The following LRMDA variants were observed in gnomAD, a reference collection of about 807,000 sequenced individuals.
LRMDA encodes the protein leucine rich melanocyte differentiation associated, also known as leucine-rich melanocyte differentiation-associated protein.
In LRMDA, 18 loss-of-function variants were observed where a neutral mutation model predicts 29.8. That is an observed-to-expected ratio of 0.60 (90% confidence interval 0.42 to 0.90). The LOEUF (loss-of-function observed/expected upper bound fraction) is 0.90, where lower values mean the gene tolerates loss of function less well. Ranked by LOEUF, LRMDA falls within the 40% of genes least tolerant of loss-of-function variation. LRMDA has a pLI of 0.00. For synonymous variants in LRMDA, 125 were observed against 109.4 expected, an observed-to-expected ratio of 1.14 and a Z score of -0.89; for missense variants, 273 against 273.9, an observed-to-expected ratio of 1.00 and a Z score of 0.02.
chr10:75,615,823 G>A lies in LRMDA; in HGVS notation c.131+177329G>A, dbSNP rs139740484. 1.8e-3 allele frequency among the ~76,000 whole-genome samples: 279 copies of A among 152,256 alleles called. 1 individual carries two copies. Among genetic ancestry groups the A allele is most frequent in the African/African-American group, 6.2e-3 (258 of 41,556 alleles). Reference sequence around the variant, plus strand: ...TTTCCTTCTGTCAGATGAGATGGTTGGCTTTGGATCAGTGTTTCCCAAAGT... The same window carrying A: ...TTTCCTTCTGTCAGATGAGATGGTTAGCTTTGGATCAGTGTTTCCCAAAGT... On this transcript the variant is annotated intron_variant, in intron 2 of 6. Transcript: ENST00000611255.
chr10:75,948,163 T>G (rs918893690), intron 2 of LRMDA, among the ~76,000 whole-genome samples: 2 of 152,196 alleles, frequency 1.3e-5, no homozygotes, highest in Admixed American at 6.5e-5. Flanking sequence ...TTGTGAGGGT[T>G]AAAGGTGGCT....
At chr10:76,148,535 T>G (rs1285320835) in intron 5 of LRMDA, among the ~76,000 whole-genome samples, 1 of 152,118 alleles carries the variant, frequency 6.6e-6, no homozygotes, top group East Asian at 1.9e-4. Flanking sequence ...TTTAAGCCCA[T>G]TGGAAAAGCA....
At position 75,752,842 on chromosome 10, in the gene LRMDA, T is replaced by A. The variant is rs537430530; in HGVS notation, c.132-283166T>A. On this transcript the variant is annotated intron_variant, in intron 2 of 6. Coordinates refer to ENST00000611255, the MANE Select transcript of LRMDA (RefSeq NM_001305581.2). ...AGGGTTTGTTGCTACTGGGTTTGTC[T>A]TGGTTGAATTTACTCCTGCAATTCT... 2.0e-5 allele frequency among the ~76,000 whole-genome samples: 3 copies of A among 152,340 alleles called. No individual in the cohort carries two copies. The South Asian group carries it at 6.2e-4, about 32-fold the overall frequency.
chr10:75,572,244 G>T (rs1433796818), intron 2 of LRMDA, among the ~76,000 whole-genome samples: 2 of 152,202 alleles, frequency 1.3e-5, no homozygotes, highest in Non-Finnish European at 2.9e-5. Context: ...GAGCCACCGT[G>T]CCTGGATTGT....
At chr10:75,763,525 AG>A (rs1234414337) in intron 2 of LRMDA, among the ~76,000 whole-genome samples, 2 of 152,354 alleles carry the variant, frequency 1.3e-5, no homozygotes, top group East Asian at 3.9e-4. Context: ...AGTTATACAC[AG>A]TAGACAAGTC....
chr10:75,681,664 G>A (rs1015188916), intron 2 of LRMDA, among the ~76,000 whole-genome samples: 7 of 152,180 alleles, frequency 4.6e-5, no homozygotes, highest in East Asian at 1.9e-4. Context: ...GGGCCTCTGC[G>A]CACATTACAC....
At chr10:76,215,998 G>T (rs1391681284) in intron 5 of LRMDA, among the ~76,000 whole-genome samples, 1 of 152,170 alleles carries the variant, frequency 6.6e-6, no homozygotes, top group Non-Finnish European at 1.5e-5. Context: ...GACTATAAAA[G>T]ATTGCTAATT....
At chr10:75,802,973 T>TA (rs1491576932) in intron 2 of LRMDA, among the ~76,000 whole-genome samples, 2,817 of 60,880 alleles carry the variant, frequency 0.046, 64 homozygotes, top group African/African-American at 0.13. Flanking sequence ...TATATATATA[T>TA]TTTTTTTTTT....
In LRMDA at chr10:76,244,227, G is replaced by A. The variant is rs927432911; in HGVS notation, c.517-80174G>A. Among the ~76,000 whole-genome samples the A allele has an allele frequency of 4.6e-5, 7 of 152,194 alleles. 1 individual carries two copies. The highest frequency in any genetic ancestry group is 6.5e-5 in the Admixed American group (1 of 15,288). On this transcript the variant is annotated intron_variant, in intron 5 of 6. Transcript: ENST00000611255. ...GTTATTACACTTGTCTCTCAGTATC[G>A]TGAGGACCGTGAAAGCTCACCCAAC...
chr10:75,434,498 G>A (rs1189497559), intron 1 of LRMDA, among the ~76,000 whole-genome samples: 3 of 152,170 alleles, frequency 2.0e-5, no homozygotes, highest in Non-Finnish European at 4.4e-5. Flanking sequence ...ACTCATCCGC[G>A]ACAACACAGC....
At chr10:76,141,087 C>T (rs1850190220) in intron 5 of LRMDA, among the ~76,000 whole-genome samples, 1 of 152,032 alleles carries the variant, frequency 6.6e-6, no homozygotes, top group Non-Finnish European at 1.5e-5. Context: ...CCATGCACAC[C>T]AGCACATTAT....
chr10:76,279,103 A>G (rs1840170899), intron 5 of LRMDA, among the ~76,000 whole-genome samples: 1 of 152,218 alleles, frequency 6.6e-6, no homozygotes, highest in East Asian at 1.9e-4. Context: ...CATGAGCAAT[A>G]CCTATAATAT....
chr10:75,782,648 T>G, intron 2 of LRMDA: 1 of 955,682 alleles, frequency 1.0e-6, no homozygotes, highest in Non-Finnish European at 1.3e-6. Flanking sequence ...TCTGAGCTTC[T>G]TTTGACTTCT....
chr10:76,108,327 T>A (rs754514983), intron 5 of LRMDA, among the ~76,000 whole-genome samples: 1 of 152,130 alleles, frequency 6.6e-6, no homozygotes, highest in Non-Finnish European at 1.5e-5. Context: ...CTAGATGTAG[T>A]TGTGAATGGA....
intron 6 of LRMDA, among the ~76,000 whole-genome samples, chr10:76,441,370 C>T (rs1842300521): frequency 6.6e-6 from 1 of 152,192 alleles, no homozygotes; most frequent in Non-Finnish European, 1.5e-5. Flanking sequence ...TTTTCACTTA[C>T]TATCTGTGAA....
chr10:76,251,899 C>T (rs1473086715), intron 5 of LRMDA, among the ~76,000 whole-genome samples: 1 of 152,202 alleles, frequency 6.6e-6, no homozygotes, highest in Non-Finnish European at 1.5e-5. Context: ...AATACTGCCA[C>T]ATTGATAGGG....
intron 5 of LRMDA, among the ~76,000 whole-genome samples, chr10:76,252,723 G>T (rs1852507385): frequency 1.3e-5 from 2 of 152,174 alleles, no homozygotes; most frequent in Admixed American, 6.5e-5. Context: ...GTCAGCTGGG[G>T]TGTGTGTCCT....
chr10:75,483,880 A>G (rs202169267), intron 2 of LRMDA, among the ~76,000 whole-genome samples: 1 of 24,328 alleles, frequency 4.1e-5, no homozygotes, highest in Non-Finnish European at 9.9e-5. Flanking sequence ...TTTTTTTTTT[A>G]ATGATTTTTC....
intron 6 of LRMDA, among the ~76,000 whole-genome samples, chr10:76,441,821 A>G (rs1220024970): frequency 6.6e-6 from 1 of 152,136 alleles, no homozygotes. Flanking sequence ...TTGTGGCTCC[A>G]ATAATCATAG....
Sources: gnomAD v4.1 joint callset for allele counts (sites outside exome capture counted in the v4.1 genomes callset) on GRCh38, gnomAD v4.1.1 for gene constraint, MANE v1.5 for transcripts, NCBI Gene and HGNC (gene_info 2026-07-23, HGNC 2026-07-21) for gene names.